Variants in HSD17B12 observed in about 807,000 individuals in gnomAD.
HSD17B12 encodes hydroxysteroid 17-beta dehydrogenase 12.
In HSD17B12, 32 loss-of-function variants were observed where a neutral mutation model predicts 39.3. That is an observed-to-expected ratio of 0.81 (90% CI 0.61 to 1.09). HSD17B12 has a LOEUF of 1.09. Among genes scored for constraint, HSD17B12 ranks in the 50% least tolerant of loss-of-function variants. The pLI is 0.00. For synonymous variants in HSD17B12, 150 were observed against 146.7 expected, an observed-to-expected ratio of 1.02 and a Z score of -0.16; for missense variants, 342 against 382.9, an observed-to-expected ratio of 0.89 and a Z score of 0.89.
At chr11:43,827,589 G>A (rs1951257273) in intron 6 of HSD17B12, among the ~76,000 whole-genome samples, 1 of 152,104 alleles carries the variant, frequency 6.6e-6, no homozygotes, top group African/African-American at 2.4e-5. Context: ...AAAAGTATGA[G>A]AAATATATAC....
chr11:43,572,724 T>C, the HSD17B12 span, among the ~76,000 whole-genome samples: 7 of 152,244 alleles, frequency 4.6e-5, 1 homozygote, highest in African/African-American at 1.2e-4. Context: ...AAGCTTCTTA[T>C]GTAAAAGTGT....
At chr11:43,576,182 T>C in the HSD17B12 span, among the ~76,000 whole-genome samples, 1 of 152,072 alleles carries the variant, frequency 6.6e-6, no homozygotes, top group South Asian at 2.1e-4. Flanking sequence ...CAGAGACAGA[T>C]GGGAGTTAAC....
chr11:43,744,981 C>A (rs1186157438), intron 1 of HSD17B12, among the ~76,000 whole-genome samples: 1 of 152,202 alleles, frequency 6.6e-6, no homozygotes, highest in Non-Finnish European at 1.5e-5. Context: ...CCGCCTTTGG[C>A]TGAGAGCAGT....
chr11:43,794,370 C>T (rs1480397589), intron 3 of HSD17B12, among the ~76,000 whole-genome samples: 1 of 152,146 alleles, frequency 6.6e-6, no homozygotes, highest in Admixed American at 6.5e-5. Context: ...GCCACATTGT[C>T]ATTCTTTAAT....
chr11:43,601,890 A>AG, the HSD17B12 span, among the ~76,000 whole-genome samples: 3 of 152,216 alleles, frequency 2.0e-5, no homozygotes, highest in African/African-American at 7.2e-5. Context: ...ACTTATCACC[A>AG]GAGCTTTTGA....
chr11:43,580,072 G>C, the HSD17B12 span, among the ~76,000 whole-genome samples: 1 of 151,704 alleles, frequency 6.6e-6, no homozygotes, highest in African/African-American at 2.4e-5. Flanking sequence ...CTAATGGGGG[G>C]GGGGAGGGGC....
intron 7 of HSD17B12, among the ~76,000 whole-genome samples, chr11:43,835,868 A>C (rs7931097): frequency 6.6e-6 from 1 of 151,912 alleles, no homozygotes; most frequent in Non-Finnish European, 1.5e-5. Context: ...GGATGACTGC[A>C]TGAATGTGAC....
the HSD17B12 span, among the ~76,000 whole-genome samples, chr11:43,665,791 A>G: frequency 6.6e-6 from 1 of 152,116 alleles, no homozygotes; most frequent in Non-Finnish European, 1.5e-5. Context: ...ACACACACAC[A>G]AGCATGCCTT....
intron 3 of HSD17B12, among the ~76,000 whole-genome samples, chr11:43,779,074 G>A (rs1377260085): frequency 1.3e-5 from 2 of 152,050 alleles, no homozygotes; most frequent in African/African-American, 4.8e-5. Context: ...AATTAATGAG[G>A]TTCATCTCAA....
chr11:43,620,876 G>A, the HSD17B12 span, among the ~76,000 whole-genome samples: 1 of 152,228 alleles, frequency 6.6e-6, no homozygotes, highest in Admixed American at 6.5e-5. Context: ...TTAACTCCCA[G>A]GAACAATAAT....
the HSD17B12 span, among the ~76,000 whole-genome samples, chr11:43,615,040 T>A: frequency 1.3e-5 from 2 of 152,292 alleles, no homozygotes; most frequent in Non-Finnish European, 2.9e-5. Context: ...GCACTAGACA[T>A]TGTAGATTCT....
chr11:43,709,235 C>T (rs1048056937), intron 1 of HSD17B12, among the ~76,000 whole-genome samples: 1 of 152,200 alleles, frequency 6.6e-6, no homozygotes, highest in Non-Finnish European at 1.5e-5. Flanking sequence ...AAGTGATTCT[C>T]CTGCCTCAGC....
intron 1 of HSD17B12, among the ~76,000 whole-genome samples, chr11:43,713,717 G>A (rs548274145): frequency 2.4e-4 from 36 of 152,246 alleles, no homozygotes; most frequent in African/African-American, 7.5e-4. Flanking sequence ...CTTCCACAAT[G>A]GTTGAACTAG....
At chr11:43,806,656 A>T (rs1044830437) in intron 4 of HSD17B12, among the ~76,000 whole-genome samples, 1 of 152,160 alleles carries the variant, frequency 6.6e-6, no homozygotes, top group Non-Finnish European at 1.5e-5. Flanking sequence ...TCTCATGAAG[A>T]TAGAGAGTAG....
chr11:43,763,744 T>A (rs913053401), intron 3 of HSD17B12, among the ~76,000 whole-genome samples: 18 of 151,842 alleles, frequency 1.2e-4, no homozygotes, highest in Admixed American at 1.1e-3. Context: ...TTGTTGCACA[T>A]ACCACATTGA....
chr11:43,802,321 C>T (rs377555399), intron 4 of HSD17B12, among the ~76,000 whole-genome samples: 2 of 151,968 alleles, frequency 1.3e-5, no homozygotes. Flanking sequence ...TTATTTTAGC[C>T]TAGTATATCT....
At chr11:43,687,074 A>G (rs1949807700) in intron 1 of HSD17B12, among the ~76,000 whole-genome samples, 1 of 152,236 alleles carries the variant, frequency 6.6e-6, no homozygotes, top group African/African-American at 2.4e-5. Context: ...GCATGGGTAA[A>G]CGGATTTGAA....
chr11:43,676,069 G>A (rs561421297), upstream of HSD17B12, among the ~76,000 whole-genome samples: 5 of 152,114 alleles, frequency 3.3e-5, no homozygotes, highest in South Asian at 2.1e-4. Context: ...CTGAGATTGC[G>A]CCATTGCACT....
At chr11:43,705,661 T>C (rs1380125062) in intron 1 of HSD17B12, among the ~76,000 whole-genome samples, 2 of 152,176 alleles carry the variant, frequency 1.3e-5, no homozygotes, top group East Asian at 3.8e-4. Flanking sequence ...ATTAATGTAT[T>C]AAGTATAAAG....
Sources: gnomAD v4.1 joint callset for allele counts (sites outside exome capture counted in the v4.1 genomes callset) on GRCh38, gnomAD v4.1.1 for gene constraint, MANE v1.5 for transcripts, NCBI Gene and HGNC (gene_info 2026-07-23, HGNC 2026-07-21) for gene names.